The following KHDRBS2 variants were observed in gnomAD, a reference collection of about 807,000 sequenced individuals.
KHDRBS2 encodes the protein KH domain-containing, RNA-binding, signal transduction-associated protein 2.
In KHDRBS2, 26 loss-of-function variants were observed where a neutral mutation model predicts 44.3. The ratio of observed to expected loss-of-function variants is 0.59; its 90% CI spans 0.43 to 0.81. The LOEUF (loss-of-function observed/expected upper bound fraction) is 0.81, where lower values mean the gene tolerates loss of function less well. Among genes scored for constraint, KHDRBS2 ranks in the 40% least tolerant of loss-of-function variants. KHDRBS2 has a pLI of 0.00. For synonymous variants in KHDRBS2, 194 were observed against 151.1 expected, an observed-to-expected ratio of 1.28 and a Z score of -2.08; for missense variants, 476 against 433.1, an observed-to-expected ratio of 1.10 and a Z score of -0.88.
chr6:61,640,488 C>A, the KHDRBS2 span, among the ~76,000 whole-genome samples: 1 of 152,078 alleles, frequency 6.6e-6, no homozygotes, highest in Non-Finnish European at 1.5e-5. Context: ...CAAAAACATT[C>A]CACTGGTCGC....
chr6:61,667,826 C>T, the KHDRBS2 span, among the ~76,000 whole-genome samples: 1 of 151,072 alleles, frequency 6.6e-6, no homozygotes, highest in Non-Finnish European at 1.5e-5. Context: ...TTGGGTGATA[C>T]AATGAAATGG....
chr6:62,251,845 T>C (rs895560622), intron 1 of KHDRBS2, among the ~76,000 whole-genome samples: 13 of 143,666 alleles, frequency 9.0e-5, no homozygotes, highest in African/African-American at 3.6e-4. Flanking sequence ...AAATTTGCTA[T>C]TATTAAAAAA....
At chr6:62,008,706 T>C (rs1779732705) in intron 3 of KHDRBS2, among the ~76,000 whole-genome samples, 1 of 152,156 alleles carries the variant, frequency 6.6e-6, no homozygotes, top group Non-Finnish European at 1.5e-5. Flanking sequence ...GTCTTTCCCA[T>C]GCTGTTCTCA....
chr6:62,199,296 T>C (rs1432766809), intron 1 of KHDRBS2, among the ~76,000 whole-genome samples: 2 of 152,132 alleles, frequency 1.3e-5, no homozygotes, highest in Non-Finnish European at 2.9e-5. Context: ...GGAAGTCAAA[T>C]TGTCCCTGTT....
chr6:62,159,225 C>G (rs1817098121), intron 2 of KHDRBS2, among the ~76,000 whole-genome samples: 1 of 152,050 alleles, frequency 6.6e-6, no homozygotes, highest in Non-Finnish European at 1.5e-5. Flanking sequence ...CTGAGTTAAC[C>G]TTTTAACTTC....
the KHDRBS2 span, among the ~76,000 whole-genome samples, chr6:61,616,293 A>G: frequency 6.6e-6 from 1 of 152,232 alleles, no homozygotes; most frequent in East Asian, 1.9e-4. Flanking sequence ...AGACTAGGGC[A>G]TATAATTACA....
chr6:61,997,371 C>A (rs1203196637), intron 3 of KHDRBS2, among the ~76,000 whole-genome samples: 1 of 152,108 alleles, frequency 6.6e-6, no homozygotes, highest in Non-Finnish European at 1.5e-5. Context: ...TCAATGGAGA[C>A]CTCTAGGATT....
At chr6:62,072,909 A>C (rs529375971) in intron 2 of KHDRBS2, among the ~76,000 whole-genome samples, 26 of 152,208 alleles carry the variant, frequency 1.7e-4, no homozygotes, top group African/African-American at 6.0e-4. Context: ...TAGTTTCAGA[A>C]GGAATGGTAC....
chr6:61,901,434 A>AC (rs1804007193), intron 4 of KHDRBS2, 63 bp from the exon 5 acceptor site: 22 of 1,309,792 alleles, frequency 1.7e-5, no homozygotes, highest in Non-Finnish European at 2.0e-5. Flanking sequence ...AGTTGGAAAA[A>AC]AAAAAAAAGA....
intron 6 of KHDRBS2, among the ~76,000 whole-genome samples, chr6:61,772,789 C>G (rs1781179242): frequency 1.3e-5 from 2 of 152,056 alleles, no homozygotes; most frequent in East Asian, 1.9e-4. Flanking sequence ...ATCCCTACCC[C>G]CTACCCCAAC....
intron 6 of KHDRBS2, among the ~76,000 whole-genome samples, chr6:61,794,089 A>T (rs1489417967): frequency 1.3e-5 from 2 of 152,320 alleles, no homozygotes; most frequent in African/African-American, 4.8e-5. Context: ...ATTATAAAAC[A>T]ATAATAATTA....
intron 3 of KHDRBS2, among the ~76,000 whole-genome samples, chr6:62,029,717 G>A (rs1328409169): frequency 4.6e-5 from 7 of 151,892 alleles, no homozygotes; most frequent in Admixed American, 1.3e-4. Flanking sequence ...ACAGAAAGGA[G>A]TGCAGCATGT....
At chr6:62,059,286 G>A (rs1162514650) in intron 2 of KHDRBS2, among the ~76,000 whole-genome samples, 1 of 129,000 alleles carries the variant, frequency 7.8e-6, no homozygotes, top group Non-Finnish European at 1.6e-5. Flanking sequence ...TATGGAAAAA[G>A]GCAGTGACAG....
At chr6:61,997,762 A>G (rs1295616542) in intron 3 of KHDRBS2, among the ~76,000 whole-genome samples, 1 of 152,116 alleles carries the variant, frequency 6.6e-6, no homozygotes, top group African/African-American at 2.4e-5. Flanking sequence ...CTTGTTCCCT[A>G]CTAACTCCCA....
chr6:61,645,532 A>G, the KHDRBS2 span, among the ~76,000 whole-genome samples: 1 of 151,848 alleles, frequency 6.6e-6, no homozygotes, highest in South Asian at 2.1e-4. Flanking sequence ...CATAAAAAAA[A>G]AAAGGTATTT....
At chr6:62,081,439 C>A (rs2127355081) in intron 2 of KHDRBS2, among the ~76,000 whole-genome samples, 1 of 152,200 alleles carries the variant, frequency 6.6e-6, no homozygotes, top group African/African-American at 2.4e-5. Flanking sequence ...AAAGTTGTGT[C>A]TAAACAGAGA....
intron 2 of KHDRBS2, among the ~76,000 whole-genome samples, chr6:62,114,901 A>T (rs1409818520): frequency 6.6e-6 from 1 of 151,822 alleles, no homozygotes; most frequent in African/African-American, 2.4e-5. Flanking sequence ...TAAAAATGGA[A>T]AAAAACTCTC....
intron 5 of KHDRBS2, among the ~76,000 whole-genome samples, chr6:61,900,670 C>G (rs1803811254): frequency 6.6e-6 from 1 of 152,162 alleles, no homozygotes; most frequent in Non-Finnish European, 1.5e-5. Context: ...ATCAGCCATG[C>G]AAGAAGTGTT....
At chr6:61,792,839 A>G (rs1239087217) in intron 6 of KHDRBS2, among the ~76,000 whole-genome samples, 1 of 151,914 alleles carries the variant, frequency 6.6e-6, no homozygotes, top group Non-Finnish European at 1.5e-5. Flanking sequence ...TTCCCAAATT[A>G]ATTTGTGAAT....
Sources: gnomAD v4.1 joint callset for allele counts (sites outside exome capture counted in the v4.1 genomes callset) on GRCh38, gnomAD v4.1.1 for gene constraint, MANE v1.5 for transcripts, NCBI Gene and HGNC (gene_info 2026-07-23, HGNC 2026-07-21) for gene names.